DPP10: variants seen among roughly 807,000 people sequenced by gnomAD.
The protein encoded by DPP10 is inactive dipeptidyl peptidase 10.
Under a neutral mutation model 120.9 loss-of-function variants are expected in DPP10, and 33 were observed. That is an observed-to-expected ratio of 0.27 (90% CI 0.21 to 0.37). The LOEUF is 0.37. DPP10 is among the 10% of genes least tolerant of loss of function. The probability of loss-of-function intolerance (pLI) is 1.00; values close to 1 mark genes in which losing one functional copy is unlikely to be tolerated. For synonymous variants in DPP10, 337 were observed against 326.1 expected, an observed-to-expected ratio of 1.03 and a Z score of -0.36; for missense variants, 816 against 942.8, an observed-to-expected ratio of 0.87 and a Z score of 1.76.
chr2:115,533,462 T>C (rs1483434277), intron 5 of DPP10, among the ~76,000 whole-genome samples: 1 of 152,098 alleles, frequency 6.6e-6, no homozygotes, highest in Non-Finnish European at 1.5e-5. Context: ...GGTACAGAAT[T>C]ATTTTTCTGG....
intron 1 of DPP10, among the ~76,000 whole-genome samples, chr2:114,464,711 G>T (rs1451784450): frequency 6.6e-6 from 1 of 151,850 alleles, no homozygotes; most frequent in Non-Finnish European, 1.5e-5. Context: ...CTAAATAATT[G>T]TCCATTGGCC....
intron 1 of DPP10, among the ~76,000 whole-genome samples, chr2:114,871,834 C>A (rs1690711938): frequency 6.6e-6 from 1 of 152,158 alleles, no homozygotes; most frequent in Non-Finnish European, 1.5e-5. Flanking sequence ...TTTATAGCCA[C>A]TCCCCATCAC....
At chr2:115,482,549 G>T (rs1410934911) in intron 3 of DPP10, among the ~76,000 whole-genome samples, 21 of 151,848 alleles carry the variant, frequency 1.4e-4, no homozygotes, top group Non-Finnish European at 8.8e-5. Flanking sequence ...CCTCCCCCCA[G>T]TCTCTAGCAA....
At chr2:115,648,684 T>C (rs1300213539) in intron 5 of DPP10, among the ~76,000 whole-genome samples, 1 of 151,894 alleles carries the variant, frequency 6.6e-6, no homozygotes, top group African/African-American at 2.4e-5. Flanking sequence ...AAACTTAGCC[T>C]AGGGTATTCT....
At chr2:115,127,264 T>G (rs1247731301) in intron 1 of DPP10, among the ~76,000 whole-genome samples, 2 of 152,248 alleles carry the variant, frequency 1.3e-5, no homozygotes, top group Non-Finnish European at 2.9e-5. Flanking sequence ...TCTCTTCGTG[T>G]TAAAATGATT....
rs189368263 is a variant in DPP10, at chr2:115,492,122, T to C, written c.272-7388T>C. Among the ~76,000 whole-genome samples the C allele has an allele frequency of 2.6e-5, 4 of 152,206 alleles. No individual in the cohort carries two copies. In the East Asian group the frequency reaches 5.8e-4, roughly 22 times the overall value. On this transcript the variant is annotated intron_variant, in intron 3 of 25. Transcript: ENST00000410059. The stretch of plus-strand genomic sequence containing the variant: ...ATATATGATCGATGTGGTCAAAAAC[T>C]TAGAGGAAACAAAAATATTTGCTGT...
At chr2:114,930,686 G>A (rs902152473) in intron 1 of DPP10, among the ~76,000 whole-genome samples, 1 of 152,148 alleles carries the variant, frequency 6.6e-6, no homozygotes, top group East Asian at 1.9e-4. Flanking sequence ...AGTTTATTTA[G>A]CTTATAGTTT....
chr2:115,730,439 T>G (rs932393541), intron 8 of DPP10, among the ~76,000 whole-genome samples: 7 of 152,074 alleles, frequency 4.6e-5, no homozygotes, highest in Admixed American at 1.3e-4. Flanking sequence ...AAGACTAGAT[T>G]AGCAGCAATG....
chr2:114,828,387 T>C lies in DPP10; in HGVS notation c.60+385549T>C, dbSNP rs149547288. On this transcript the variant is annotated intron_variant, in intron 1 of 25. Coordinates refer to ENST00000410059, the MANE Select transcript of DPP10 (RefSeq NM_020868.6). ...AGCACTTTTTTATCATTGTTAGATA[T>C]AGAAACATAGATGCATTAATATATA... The C allele has an allele frequency of 2.2e-4, 33 of 152,350 alleles. No individual in the cohort carries two copies. In the East Asian group the frequency reaches 5.2e-3, roughly 24 times the overall value. The allele number at this position is 152,350 out of a possible 1,614,324, so 9.4% of individuals were successfully genotyped here. A position where few individuals can be genotyped will look rare whatever the true frequency, so the allele number is the denominator to read the frequency against.
At chr2:115,112,120 A>T (rs2049255248) in intron 1 of DPP10, among the ~76,000 whole-genome samples, 1 of 152,014 alleles carries the variant, frequency 6.6e-6, no homozygotes, top group Admixed American at 6.6e-5. Flanking sequence ...TTTCTAATTT[A>T]TTTCCTTGTT....
intron 1 of DPP10, among the ~76,000 whole-genome samples, chr2:114,610,895 C>T (rs1172019985): frequency 6.6e-6 from 1 of 152,004 alleles, no homozygotes; most frequent in Non-Finnish European, 1.5e-5. Context: ...TCCCTCCCCT[C>T]AGGCCACCAC....
intron 1 of DPP10, among the ~76,000 whole-genome samples, chr2:115,023,542 G>A (rs1024719799): frequency 3.9e-5 from 6 of 152,144 alleles, no homozygotes; most frequent in South Asian, 4.2e-4. Context: ...TTATACTGTC[G>A]GTGGGAATGC....
intron 1 of DPP10, among the ~76,000 whole-genome samples, chr2:114,945,267 C>G (rs1181195569): frequency 3.9e-4 from 60 of 152,136 alleles, no homozygotes; most frequent in South Asian, 4.1e-4. Flanking sequence ...AGCTTCTGCT[C>G]TCTGGAAGAT....
intron 1 of DPP10, among the ~76,000 whole-genome samples, chr2:114,511,155 A>C (rs1553453941): frequency 6.6e-6 from 1 of 152,260 alleles, no homozygotes; most frequent in Non-Finnish European, 1.5e-5. Context: ...ATAGGTATAG[A>C]TAAATAGGTA....
intron 1 of DPP10, among the ~76,000 whole-genome samples, chr2:115,196,564 A>G (rs1573973219): frequency 6.6e-6 from 1 of 152,180 alleles, no homozygotes; most frequent in East Asian, 1.9e-4. Context: ...ACTGACCCAT[A>G]ATAGCTAAGA....
At chr2:114,858,413 C>G (rs376990262) in intron 1 of DPP10, among the ~76,000 whole-genome samples, 7 of 152,324 alleles carry the variant, frequency 4.6e-5, no homozygotes, top group Middle Eastern at 3.4e-3. Context: ...TGAGATAAAG[C>G]ATGTAAACAT....
intron 5 of DPP10, among the ~76,000 whole-genome samples, chr2:115,666,344 C>T (rs1435959898): frequency 1.3e-5 from 2 of 152,098 alleles, no homozygotes; most frequent in Non-Finnish European, 2.9e-5. Flanking sequence ...CACAGCGCTG[C>T]AAGAAAGAAC....
At chr2:115,606,342 C>G (rs768329370) in intron 5 of DPP10, among the ~76,000 whole-genome samples, 6 of 152,016 alleles carry the variant, frequency 3.9e-5, no homozygotes, top group Non-Finnish European at 5.9e-5. Flanking sequence ...AGAATAGATT[C>G]AAATTTAAAC....
intron 1 of DPP10, among the ~76,000 whole-genome samples, chr2:114,839,922 C>T (rs1451587020): frequency 6.6e-6 from 1 of 152,024 alleles, no homozygotes; most frequent in African/African-American, 2.4e-5. Flanking sequence ...GGGCTTACAA[C>T]TGAAAAAAGA....
Sources: allele counts gnomAD v4.1 joint callset (sites outside exome capture counted in the v4.1 genomes callset), GRCh38; gene constraint gnomAD v4.1.1; transcripts MANE v1.5; gene names NCBI Gene and HGNC (gene_info 2026-07-23, HGNC 2026-07-21).